Variants in ABAT observed in about 807,000 individuals in gnomAD.
ABAT encodes the protein 4-aminobutyrate aminotransferase.
In ABAT, 45 loss-of-function variants were observed where a neutral mutation model predicts 64.6. That is an observed-to-expected ratio of 0.70 (90% CI 0.55 to 0.89). ABAT has a LOEUF of 0.89. ABAT is among the 40% of genes least tolerant of loss of function. The pLI, the probability that ABAT is intolerant of heterozygous loss-of-function variation, is 0.00. For synonymous variants in ABAT, 297 were observed against 250.5 expected (o/e 1.19, Z -1.75); for missense variants, 633 against 658.4 (o/e 0.96, Z 0.42).
At chr16:8,778,304 G>C (rs534261767) in intron 14 of ABAT, among the ~76,000 whole-genome samples, 2 of 152,274 alleles carry the variant, frequency 1.3e-5, no homozygotes, top group South Asian at 2.1e-4. Context: ...AGCAGAGTTG[G>C]CTCCTTCTCG....
intron 2 of ABAT, among the ~76,000 whole-genome samples, chr16:8,738,771 A>C (rs2059070198): frequency 1.3e-5 from 2 of 151,416 alleles, no homozygotes. Flanking sequence ...CAGCCTCCCA[A>C]GTAGCTGGGA....
chr16:8,718,789 T>G (rs865962532), intron 1 of ABAT, among the ~76,000 whole-genome samples: 2 of 152,200 alleles, frequency 1.3e-5, no homozygotes, highest in Non-Finnish European at 2.9e-5. Context: ...CATTCATTCG[T>G]AAAATCAGAG....
intron 1 of ABAT, among the ~76,000 whole-genome samples, chr16:8,733,584 C>T (rs2058821497): frequency 6.6e-6 from 1 of 151,956 alleles, no homozygotes; most frequent in African/African-American, 2.4e-5. Flanking sequence ...AATCCCGGCA[C>T]CTCGGGAGGC....
At chr16:8,677,259 G>T (rs1347447857) in intron 1 of ABAT, among the ~76,000 whole-genome samples, 5 of 152,234 alleles carry the variant, frequency 3.3e-5, no homozygotes. Context: ...ATCATGAAGT[G>T]GGGAGGTGCT....
chr16:8,763,278 A>G (rs2059849867), intron 6 of ABAT, among the ~76,000 whole-genome samples: 1 of 152,066 alleles, frequency 6.6e-6, no homozygotes, highest in Non-Finnish European at 1.5e-5. Flanking sequence ...GACTTGGGGC[A>G]AGTTGCTTGA....
intron 1 of ABAT, among the ~76,000 whole-genome samples, chr16:8,680,333 T>A (rs1730951): frequency 0.56 from 84,723 of 152,154 alleles, 24,558 homozygotes; most frequent in East Asian, 0.77. Context: ...CAGTAGATAT[T>A]CAAGGAGCAT....
At chr16:8,743,509 T>A (rs2142564889) in intron 2 of ABAT, among the ~76,000 whole-genome samples, 1 of 142,754 alleles carries the variant, frequency 7.0e-6, no homozygotes, top group South Asian at 2.1e-4. Context: ...TAATATATAT[T>A]TTAGTTATAG....
chr16:8,700,013 G>C (rs948215497), intron 1 of ABAT, among the ~76,000 whole-genome samples: 3 of 152,036 alleles, frequency 2.0e-5, no homozygotes, highest in African/African-American at 7.2e-5. Flanking sequence ...TAGAGACTGA[G>C]TTATACGATG....
intron 1 of ABAT, among the ~76,000 whole-genome samples, chr16:8,702,175 A>G (rs972128109): frequency 6.6e-6 from 1 of 152,000 alleles, no homozygotes; most frequent in Non-Finnish European, 1.5e-5. Flanking sequence ...GACATCAGGA[A>G]ACTTACAATC....
chr16:8,749,386 C>CTTTTTTTT lies in ABAT; in HGVS notation c.199-1013_199-1006dup. Among the ~76,000 whole-genome samples the CTTTTTTTT allele has an allele frequency of 3.1e-3, 98 of 32,020 alleles. 31 individuals carry two copies. Among genetic ancestry groups the CTTTTTTTT allele is most frequent in the Non-Finnish European group, 3.9e-3 (71 of 18,084 alleles). The allele number at this position is 32,020 out of a possible 152,430, so 21.0% of individuals were successfully genotyped here. Reference sequence around the variant, plus strand: ...ACAGGCGTGAGCCACCGCACCCGGCCTTTTTTTTTTTTTTTTTTTTTTTTT... The same window carrying CTTTTTTTT: ...ACAGGCGTGAGCCACCGCACCCGGCCTTTTTTTTTTTTTTTTTTTTTTTTTTTTTTTTT... On this transcript the variant is annotated intron_variant, in intron 4 of 15. Transcript: ENST00000268251.
At position 8,764,853 on chromosome 16, in the gene ABAT, A is replaced by G. The variant is rs759615487; in HGVS notation, c.540+23A>G. On this transcript the variant is annotated intron_variant, in intron 8 of 15. Coordinates refer to ENST00000268251, the MANE Select transcript of ABAT (RefSeq NM_020686.6). This position sits in a 1 kb window ranked among gnomAD's most constrained non-coding sequence, Gnocchi z 4.2. The stretch of plus-strand genomic sequence containing the variant: ...CGGGTGAGGTTTGGGGCACACACAC[A>G]CACACACACACAGGCTCCCCAGCAC... 9 of 1,588,828 alleles carry G rather than the reference A, an allele frequency of 5.7e-6. No homozygotes were observed. The highest frequency in any genetic ancestry group is 3.3e-5 in the Admixed American group (2 of 59,924).
intron 1 of ABAT, among the ~76,000 whole-genome samples, chr16:8,719,074 C>T (rs1473383883): frequency 6.6e-6 from 1 of 152,170 alleles, no homozygotes; most frequent in Non-Finnish European, 1.5e-5. Flanking sequence ...ATCACACCGA[C>T]CTGATTTGTT....
chr16:8,714,535 G>T (rs1052543420), intron 1 of ABAT: 6 of 152,242 alleles, frequency 3.9e-5, no homozygotes, highest in African/African-American at 1.2e-4. Flanking sequence ...AGCAGCCTAT[G>T]CCCCAAGAGG....
intron 15 of ABAT, among the ~76,000 whole-genome samples, chr16:8,779,801 G>A (rs1173683259): frequency 6.6e-6 from 1 of 152,192 alleles, no homozygotes; most frequent in East Asian, 1.9e-4. Context: ...GTTCGCTGAG[G>A]AGGTGAGTTG....
rs1311049558 is a variant in ABAT, at chr16:8,783,800, A to G, written c.*2370A>G. ...CTCTTTGGTAGGGAGAGGGGCTCCA[A>G]TATTTCGTTCTCTCCCCATGGGGCA... On this transcript the variant is annotated 3_prime_UTR_variant, in exon 16 of 16. Transcript: ENST00000268251. The G allele has an allele frequency of 6.6e-6, 1 of 152,202 alleles. No individual in the cohort carries two copies. Among genetic ancestry groups the G allele is most frequent in the African/African-American group, 2.4e-5 (1 of 41,454 alleles). The allele number at this position is 152,202 out of a possible 1,614,324, so 9.4% of individuals were successfully genotyped here.
rs2060493907 is a variant in ABAT at position 8,784,015 on chromosome 16, A to C, written c.*2585A>C. ...GCTTTAGCTAGAAGAATTTCAAGGAAAAGAATTCTCAGCAGAGCTCAAGAT... is the reference window on the plus strand; with the variant it reads ...GCTTTAGCTAGAAGAATTTCAAGGACAAGAATTCTCAGCAGAGCTCAAGAT... On this transcript the variant is annotated 3_prime_UTR_variant, in exon 16 of 16. Transcript: ENST00000268251. 1 of 152,244 alleles carries C rather than the reference A, an allele frequency of 6.6e-6. No individual in the cohort carries two copies. The highest frequency in any genetic ancestry group is 1.5e-5 in the Non-Finnish European group (1 of 68,046). The allele number at this position is 152,244 out of a possible 1,614,324, so 9.4% of individuals were successfully genotyped here.
intron 12 of ABAT, among the ~76,000 whole-genome samples, 157 bp downstream of exon 12, chr16:8,773,074 G>A (rs2060160961): frequency 6.7e-6 from 1 of 149,394 alleles, no homozygotes; most frequent in Admixed American, 6.7e-5. Context: ...GTTGGGGTTG[G>A]TGAAAGAATG....
intron 1 of ABAT, among the ~76,000 whole-genome samples, chr16:8,699,608 C>A (rs2142015282): frequency 6.6e-6 from 1 of 152,132 alleles, no homozygotes; most frequent in South Asian, 2.1e-4. Context: ...GTCACCCAGG[C>A]TGGAGTGCAG....
rs915707877 is a variant in ABAT at position 8,784,493 on chromosome 16, T to A, written c.*3063T>A. On this transcript the variant is annotated 3_prime_UTR_variant, in exon 16 of 16. Transcript: ENST00000268251. ...AATTAACATGTCACAATGTAACGGA[T>A]GACCATATGCACAATTCCATGAATT... 3 of 152,416 alleles carry A rather than the reference T, an allele frequency of 2.0e-5. No homozygotes were observed. Among genetic ancestry groups the A allele is most frequent in the Admixed American group, 1.3e-4 (2 of 15,276 alleles). The allele number at this position is 152,416 out of a possible 1,614,324, so 9.4% of individuals were successfully genotyped here. A position where few individuals can be genotyped will look rare whatever the true frequency, so the allele number is the denominator to read the frequency against.
Sources: allele counts gnomAD v4.1 joint callset (sites outside exome capture counted in the v4.1 genomes callset), GRCh38; gene constraint gnomAD v4.1.1; non-coding constraint Gnocchi (gnomAD v3.1); transcripts MANE v1.5; gene names NCBI Gene and HGNC (gene_info 2026-07-23, HGNC 2026-07-21).